The following GNAO1 variants were observed in gnomAD, a reference collection of about 807,000 sequenced individuals.
GNAO1 encodes the protein guanine nucleotide-binding protein G(o) subunit alpha.
For synonymous variants in GNAO1, 164 were observed against 180.7 expected (o/e 0.91, Z 0.74); for missense variants, 166 against 478.7 (o/e 0.35, Z 6.10).
chr16:56,232,757 T>A (rs185948775), intron 2 of GNAO1, among the ~76,000 whole-genome samples: 1 of 152,166 alleles, frequency 6.6e-6, no homozygotes, highest in Non-Finnish European at 1.5e-5. Flanking sequence ...AAAAAAAACA[T>A]GACATATAAT....
At chr16:56,196,329 T>A (rs2036232864) in intron 2 of GNAO1, among the ~76,000 whole-genome samples, 2 of 152,138 alleles carry the variant, frequency 1.3e-5, no homozygotes, top group Admixed American at 6.5e-5. Flanking sequence ...TGTTAGGGGG[T>A]TGTGACCTCA....
At chr16:56,333,914 C>T (rs879309205) in intron 4 of GNAO1, among the ~76,000 whole-genome samples, 1 of 152,252 alleles carries the variant, frequency 6.6e-6, no homozygotes, top group Non-Finnish European at 1.5e-5. Flanking sequence ...CCCAGCTCCC[C>T]ACTTCCTGAT....
At position 56,356,530 on chromosome 16, in the gene GNAO1, A is replaced by G. The variant is rs1232400318; in HGVS notation, c.*456A>G. On this transcript the variant is annotated 3_prime_UTR_variant, in exon 9 of 9. Coordinates refer to ENST00000262493, the MANE Select transcript of GNAO1 (RefSeq NM_020988.3). ...GTGTGCTCAGGCCGGGCTTTCCAGA[A>G]GGCCACAGGCCACTGCAAACCCTGC... 6.6e-6 allele frequency: 1 copy of G among 152,486 alleles called. No homozygotes were observed. Among genetic ancestry groups the G allele is most frequent in the Non-Finnish European group, 1.5e-5 (1 of 68,062 alleles). 9.4% of individuals were successfully genotyped at this position (152,486 alleles called of 1,614,324 possible). A position where few individuals can be genotyped will look rare whatever the true frequency, so the allele number is the denominator to read the frequency against.
chr16:56,192,172 G>T lies in GNAO1; in HGVS notation c.-64G>T, dbSNP rs1386902929. On this transcript the variant is annotated 5_prime_UTR_variant, in exon 1 of 9. Coordinates refer to ENST00000262493, the MANE Select transcript of GNAO1 (RefSeq NM_020988.3). ...GGCTCTGCTCTCTGGGGGGGTGGGG[G>T]GCGCTCCAAGCCGGGGAGCCGTGCC... 5 of 890,800 alleles carry T rather than the reference G, an allele frequency of 5.6e-6. No homozygotes were observed. The highest frequency in any genetic ancestry group is 4.0e-5 in the Admixed American group (2 of 49,804). 55.2% of individuals were successfully genotyped at this position (890,800 alleles called of 1,614,324 possible). A position where few individuals can be genotyped will look rare whatever the true frequency, so the allele number is the denominator to read the frequency against.
At chr16:56,322,866 C>T (rs2037589562) in intron 3 of GNAO1, among the ~76,000 whole-genome samples, 1 of 152,164 alleles carries the variant, frequency 6.6e-6, no homozygotes, top group South Asian at 2.1e-4. Context: ...GGCCAAGCCT[C>T]ATATTAAAAT....
At position 56,282,135 on chromosome 16, in the gene GNAO1, AT is replaced by A. The variant is rs372925257; in HGVS notation, c.303+6064del. Among the ~76,000 whole-genome samples the A allele has an allele frequency of 2.1e-3, 315 of 152,304 alleles. 3 individuals are homozygous for A. Among genetic ancestry groups the A allele is most frequent in the African/African-American group, 6.7e-3 (278 of 41,576 alleles). On this transcript the variant is annotated intron_variant, in intron 3 of 8. Coordinates refer to ENST00000262493, the MANE Select transcript of GNAO1 (RefSeq NM_020988.3). The stretch of plus-strand genomic sequence containing the variant: ...TCCTGTTCCTCTAGCACAATGCCTA[AT>A]ACAGGAAGTATTGAATACTAAGTTT...
chr16:56,249,314 C>T (rs564235097), intron 2 of GNAO1, among the ~76,000 whole-genome samples: 72 of 152,244 alleles, frequency 4.7e-4, no homozygotes, highest in Middle Eastern at 6.8e-3. Context: ...ATGGCTCCTC[C>T]GAAGTTCATG....
At chr16:56,333,968 A>G (rs563472767) in intron 4 of GNAO1, among the ~76,000 whole-genome samples, 3 of 152,348 alleles carry the variant, frequency 2.0e-5, no homozygotes, top group African/African-American at 4.8e-5. Flanking sequence ...TTAACCCACA[A>G]TGAACCCCAA....
chr16:56,298,748 TA>T (rs1181537068), intron 3 of GNAO1, among the ~76,000 whole-genome samples: 2 of 151,504 alleles, frequency 1.3e-5, no homozygotes, highest in African/African-American at 4.9e-5. Context: ...CCATGTCTAC[TA>T]AAAAATACAA....
intron 2 of GNAO1, among the ~76,000 whole-genome samples, chr16:56,272,379 A>G (rs2037026744): frequency 6.6e-6 from 1 of 152,232 alleles, no homozygotes; most frequent in Non-Finnish European, 1.5e-5. Flanking sequence ...TATTTATTAC[A>G]TTGTAGTAGA....
chr16:56,345,055 C>T (rs2037850406), intron 6 of GNAO1: 1 of 985,350 alleles, frequency 1.0e-6, no homozygotes, highest in Non-Finnish European at 1.2e-6. Context: ...CAAACACACC[C>T]CCCTGTCCCC....
intron 6 of GNAO1, chr16:56,347,627 T>A (rs2143692767): frequency 2.1e-6 from 2 of 960,790 alleles, no homozygotes; most frequent in Non-Finnish European, 2.4e-6. Flanking sequence ...AGAGAGGGGC[T>A]CCCCCTGGAA....
chr16:56,295,967 C>T (rs2037284300), intron 3 of GNAO1, among the ~76,000 whole-genome samples: 1 of 152,244 alleles, frequency 6.6e-6, no homozygotes, highest in Non-Finnish European at 1.5e-5. Context: ...CTTCCCGTAC[C>T]TTCCAGAGCC....
At chr16:56,327,055 A>C (rs1408338719) in intron 3 of GNAO1, among the ~76,000 whole-genome samples, 2 of 151,906 alleles carry the variant, frequency 1.3e-5, no homozygotes, top group Non-Finnish European at 1.5e-5. Context: ...CAATTTCCCC[A>C]CTATGAAGTG....
rs900089270 is a variant in GNAO1 at position 56,344,113 on chromosome 16, C to T, written c.723+7253C>T. ...AGGGAGCATCCTCCACCCGCACCCC[C>T]CAACAGAACTTGTGGTAACGCAGGG... On this transcript the variant is annotated intron_variant, in intron 6 of 8. Coordinates refer to ENST00000262493, the MANE Select transcript of GNAO1 (RefSeq NM_020988.3). 2.1e-6 allele frequency: 3 copies of T among 1,450,320 alleles called. No individual in the cohort carries two copies. The African/African-American group carries it at 4.3e-5, about 21-fold the overall frequency. The allele number at this position is 1,450,320 out of a possible 1,614,324, so 89.8% of individuals were successfully genotyped here. A position where few individuals can be genotyped will look rare whatever the true frequency, so the allele number is the denominator to read the frequency against.
Position 56,195,120 on chromosome 16 carries a change from G to A in GNAO1, c.161+2504G>A, listed in dbSNP as rs4523922. Among the ~76,000 whole-genome samples, 4 of 129,246 alleles carry A rather than the reference G, an allele frequency of 3.1e-5. No individual in the cohort carries two copies. The Admixed American group carries it at 3.3e-4, about 11-fold the overall frequency. The allele number at this position is 129,246 out of a possible 152,430, so 84.8% of individuals were successfully genotyped here. ...CAACCTTACAGGACACCTTTTTCAA[G>A]AAAAATGTCAGGAAAACAGATTTTG... is the stretch of plus-strand genomic sequence containing the variant. On this transcript the variant is annotated intron_variant, in intron 2 of 8. Transcript: ENST00000262493.
At chr16:56,195,136 A>G (rs2143283974) in intron 2 of GNAO1, among the ~76,000 whole-genome samples, 1 of 150,660 alleles carries the variant, frequency 6.6e-6, no homozygotes, top group Admixed American at 6.6e-5. Context: ...TGTCAGGAAA[A>G]CAGATTTTGT....
Position 56,234,457 on chromosome 16 carries a change from C to A in GNAO1, c.162-41474C>A, listed in dbSNP as rs80302581. Among the ~76,000 whole-genome samples the A allele has an allele frequency of 1.2e-3, 183 of 152,342 alleles. 5 individuals carry two copies. The East Asian group carries it at 0.031, about 26-fold the overall frequency. Reference sequence around the variant, plus strand: ...GCTGAATACTGTCTTTAGGGAAGTGCAGCTGGAAAGAGGGTTTAGCTGTGA... The same window carrying A: ...GCTGAATACTGTCTTTAGGGAAGTGAAGCTGGAAAGAGGGTTTAGCTGTGA... On this transcript the variant is annotated intron_variant, in intron 2 of 8. Coordinates refer to ENST00000262493, the MANE Select transcript of GNAO1 (RefSeq NM_020988.3).
chr16:56,255,884 T>C (rs2036841734), intron 2 of GNAO1, among the ~76,000 whole-genome samples: 1 of 152,196 alleles, frequency 6.6e-6, no homozygotes, highest in African/African-American at 2.4e-5. Context: ...AGACCACCAA[T>C]TCACATCTCA....
Sources: gnomAD v4.1 joint callset for allele counts (sites outside exome capture counted in the v4.1 genomes callset) on GRCh38, gnomAD v4.1.1 for gene constraint, MANE v1.5 for transcripts, NCBI Gene and HGNC (gene_info 2026-07-23, HGNC 2026-07-21) for gene names.